The following DDX59 variants were observed in gnomAD, a reference collection of about 807,000 sequenced individuals.
DDX59 encodes the protein DEAD-box helicase 59.
A neutral mutation model predicts 51.9 loss-of-function variants in DDX59; 30 were observed. That is an observed-to-expected ratio of 0.58 (90% confidence interval 0.43 to 0.78). DDX59 has a LOEUF of 0.78. DDX59 is among the 30% of genes least tolerant of loss of function. DDX59 has a pLI of 0.00. For missense variants in DDX59, 672 were observed against 730.8 expected (o/e 0.92, Z 0.93); for synonymous variants, 255 against 253.3 (o/e 1.01, Z -0.06).
chr1:200,665,531 T>C (rs1345434017), intron 2 of DDX59, among the ~76,000 whole-genome samples: 2 of 151,688 alleles, frequency 1.3e-5, no homozygotes, highest in Admixed American at 6.6e-5. Flanking sequence ...TGAAACTCTA[T>C]GTGTTCCAAC....
intron 4 of DDX59, chr1:200,655,004 C>T (rs1661923556): frequency 2.0e-5 from 3 of 152,254 alleles, no homozygotes; most frequent in Non-Finnish European, 4.4e-5. Context: ...TTAGAGAAAC[C>T]ATACGTTTCA....
intron 7 of DDX59, among the ~76,000 whole-genome samples, chr1:200,645,764 G>A (rs114037427): frequency 0.026 from 3,970 of 152,286 alleles, 69 homozygotes; most frequent in Middle Eastern, 0.051. Context: ...ATATTTAAAT[G>A]AGTAGACAGT....
At chr1:200,645,749 C>T (rs1661258238) in intron 7 of DDX59, among the ~76,000 whole-genome samples, 1 of 152,070 alleles carries the variant, frequency 6.6e-6, no homozygotes, top group African/African-American at 2.4e-5. Context: ...AGTCTATATT[C>T]AGAAATATTT....
chr1:200,646,066 G>A (rs1240235671), intron 7 of DDX59, among the ~76,000 whole-genome samples: 1 of 152,156 alleles, frequency 6.6e-6, no homozygotes, highest in Non-Finnish European at 1.5e-5. Flanking sequence ...TGGACATGGC[G>A]GCTCATGCCT....
chr1:200,654,095 T>A (rs1211118696), intron 4 of DDX59, among the ~76,000 whole-genome samples: 1 of 152,188 alleles, frequency 6.6e-6, no homozygotes, highest in African/African-American at 2.4e-5. Context: ...CTAGTCAGTG[T>A]GGCCCAAACC....
chr1:200,665,470 T>C (rs113944682), intron 2 of DDX59, among the ~76,000 whole-genome samples: 16,907 of 142,908 alleles, frequency 0.12, 1,423 homozygotes, highest in East Asian at 0.41. Context: ...GCGACAAGAG[T>C]GAAACTCGGT....
At chr1:200,663,692 G>A (rs908362675) in intron 3 of DDX59, among the ~76,000 whole-genome samples, 1 of 150,640 alleles carries the variant, frequency 6.6e-6, no homozygotes, top group Non-Finnish European at 1.5e-5. Context: ...ATGCATGTCA[G>A]AACATTCAAC....
chr1:200,664,499 TTTG>T (rs1006186157), intron 2 of DDX59, among the ~76,000 whole-genome samples: 1 of 152,228 alleles, frequency 6.6e-6, no homozygotes, highest in Non-Finnish European at 1.5e-5. Flanking sequence ...CACTTCTTTC[TTTG>T]TCCATATAAC....
At chr1:200,655,990 C>T (rs1305894971) in intron 4 of DDX59, among the ~76,000 whole-genome samples, 1 of 152,176 alleles carries the variant, frequency 6.6e-6, no homozygotes, top group Non-Finnish European at 1.5e-5. Context: ...GCCACCACGC[C>T]CAGCTAATTT....
intron 7 of DDX59, among the ~76,000 whole-genome samples, chr1:200,647,555 C>T (rs1571609793): frequency 6.7e-6 from 1 of 149,938 alleles, no homozygotes; most frequent in Non-Finnish European, 1.5e-5. Flanking sequence ...TTTTAATTAA[C>T]ATTTTTGGTT....
At chr1:200,641,363 G>T, downstream of DDX59, 2 of 378,138 alleles carry the variant, frequency 5.3e-6, no homozygotes, top group Non-Finnish European at 9.0e-6. Context: ...ATGTGGCAAT[G>T]ATCTTTGTAA....
At chr1:200,641,107 G>A, downstream of DDX59, 1 of 1,238,314 alleles carries the variant, frequency 8.1e-7, no homozygotes, top group Non-Finnish European at 1.1e-6. Flanking sequence ...TGCCAGGAAA[G>A]TCACCTTGGA....
At chr1:200,669,222 A>G (rs2102944962) in intron 1 of DDX59, among the ~76,000 whole-genome samples, 1 of 152,348 alleles carries the variant, frequency 6.6e-6, no homozygotes, top group East Asian at 1.9e-4. Context: ...ACTATCAAAT[A>G]TACTAATAAA....
chr1:200,660,530 C>CAGGG (rs1422228079), intron 3 of DDX59, among the ~76,000 whole-genome samples: 1 of 152,026 alleles, frequency 6.6e-6, no homozygotes, highest in Non-Finnish European at 1.5e-5. Flanking sequence ...TCGCTGTGGG[C>CAGGG]AGGGCGGTGC....
intron 7 of DDX59, 87 bp from the exon 8 acceptor site, chr1:200,644,604 T>A: frequency 1.4e-6 from 2 of 1,456,290 alleles, no homozygotes; most frequent in South Asian, 1.5e-5. Flanking sequence ...TTACTTAAAG[T>A]AGCATTACTG....
intron 4 of DDX59, among the ~76,000 whole-genome samples, chr1:200,656,432 A>G (rs994668858): frequency 6.6e-6 from 1 of 152,174 alleles, no homozygotes; most frequent in Non-Finnish European, 1.5e-5. Flanking sequence ...ACAAGATTTC[A>G]GCACCTTGTA....
In DDX59 at chr1:200,644,154, T is replaced by C. The variant is rs879122334; in HGVS notation, c.*100A>G. The C allele has an allele frequency of 1.1e-6, 1 of 941,386 alleles. No individual in the cohort carries two copies. The highest frequency in any genetic ancestry group is 1.7e-5 in the African/African-American group (1 of 58,630). 58.3% of individuals were successfully genotyped at this position (941,386 alleles called of 1,614,324 possible). The stretch of plus-strand genomic sequence containing the variant: ...TATAAATTTTATTAAATTAAAAATA[T>C]CTTAAAATTTTTAAAATTCATGTAC... On this transcript the variant is annotated 3_prime_UTR_variant, in exon 8 of 8. Transcript: ENST00000331314.
At chr1:200,651,551 A>T (rs1661663358) in intron 4 of DDX59, among the ~76,000 whole-genome samples, 1 of 152,164 alleles carries the variant, frequency 6.6e-6, no homozygotes, top group Non-Finnish European at 1.5e-5. Context: ...TCCCAGCTTC[A>T]AGAACTGTGG....
intron 4 of DDX59, among the ~76,000 whole-genome samples, chr1:200,655,758 G>A (rs560539684): frequency 1.3e-5 from 2 of 152,004 alleles, no homozygotes; most frequent in South Asian, 2.1e-4. Flanking sequence ...ATTTTTTGCA[G>A]TGCTAATATA....
Sources: allele counts gnomAD v4.1 joint callset (sites outside exome capture counted in the v4.1 genomes callset), GRCh38; gene constraint gnomAD v4.1.1; transcripts MANE v1.5; gene names NCBI Gene and HGNC (gene_info 2026-07-23, HGNC 2026-07-21).